The following ST8SIA6 variants were observed in gnomAD, a reference collection of about 807,000 sequenced individuals.
ST8SIA6 encodes ST8 alpha-N-acetyl-neuraminide alpha-2,8-sialyltransferase 6.
A neutral mutation model predicts 33.6 loss-of-function variants in ST8SIA6; 39 were observed. That is an observed-to-expected ratio of 1.16 (90% CI 0.90 to 1.52). The LOEUF (loss-of-function observed/expected upper bound fraction) is 1.52. Ranked by LOEUF, ST8SIA6 falls within the 40% of genes most tolerant of loss-of-function variation. ST8SIA6 has a pLI of 0.00. For synonymous variants in ST8SIA6, 172 were observed against 167.2 expected (o/e 1.03, Z -0.22); for missense variants, 441 against 443.8 (o/e 0.99, Z 0.06).
chr10:17,340,467 G>A (rs529185168), intron 4 of ST8SIA6, among the ~76,000 whole-genome samples: 30 of 152,260 alleles, frequency 2.0e-4, no homozygotes, highest in African/African-American at 6.7e-4. Flanking sequence ...CAGCCAATCG[G>A]AATTAAGCTT....
intron 3 of ST8SIA6, among the ~76,000 whole-genome samples, chr10:17,367,783 A>T (rs1849601196): frequency 6.6e-6 from 1 of 152,216 alleles, no homozygotes; most frequent in South Asian, 2.1e-4. Flanking sequence ...AGTCTGATAA[A>T]ACCAATAAAT....
intron 2 of ST8SIA6, among the ~76,000 whole-genome samples, chr10:17,439,919 T>C (rs1852413095): frequency 6.6e-6 from 1 of 152,228 alleles, no homozygotes; most frequent in Non-Finnish European, 1.5e-5. Context: ...TATTTTCAAT[T>C]GTACAACAAA....
At chr10:17,403,832 G>A (rs1201429782) in intron 2 of ST8SIA6, among the ~76,000 whole-genome samples, 4 of 152,116 alleles carry the variant, frequency 2.6e-5, no homozygotes, top group Non-Finnish European at 4.4e-5. Context: ...GGAGGCCAAG[G>A]CAGGTGGATC....
At chr10:17,361,183 G>C (rs78820688) in intron 3 of ST8SIA6, among the ~76,000 whole-genome samples, 2 of 151,954 alleles carry the variant, frequency 1.3e-5, no homozygotes, top group Non-Finnish European at 2.9e-5. Flanking sequence ...GATTAGAGTA[G>C]AAATTGATAA....
intron 7 of ST8SIA6, 122 bp downstream of exon 7, chr10:17,322,943 C>A: frequency 1.2e-6 from 1 of 833,854 alleles, no homozygotes; most frequent in Non-Finnish European, 1.8e-6. Context: ...TATATTTTTC[C>A]AAAAACTCAT....
intron 2 of ST8SIA6, among the ~76,000 whole-genome samples, chr10:17,439,921 T>C (rs961028067): frequency 6.6e-5 from 10 of 152,304 alleles, no homozygotes; most frequent in African/African-American, 2.2e-4. Context: ...TTTTCAATTG[T>C]ACAACAAAGA....
chr10:17,351,151 G>A (rs1341715811), intron 4 of ST8SIA6, among the ~76,000 whole-genome samples: 1 of 151,878 alleles, frequency 6.6e-6, no homozygotes, highest in East Asian at 1.9e-4. Context: ...CTCAGTCCAT[G>A]TCTTCATCAC....
At chr10:17,418,306 C>A (rs1851665855) in intron 2 of ST8SIA6, among the ~76,000 whole-genome samples, 1 of 152,134 alleles carries the variant, frequency 6.6e-6, no homozygotes, top group African/African-American at 2.4e-5. Flanking sequence ...AGTGATTCTC[C>A]CAAAGTGCTG....
In ST8SIA6 at chr10:17,429,056, G is replaced by A. The variant is rs564326889; in HGVS notation, c.200+24503C>T. 8.6e-4 allele frequency among the ~76,000 whole-genome samples: 131 copies of A among 151,980 alleles called. 3 individuals are homozygous for A. The South Asian group carries it at 0.026, about 30-fold the overall frequency. Reference sequence around the variant, plus strand: ...GCACATACAGTAAGCGGGATCTGGGGCTTCATTTAACATCTTGTGTTTCGT... The same window carrying A: ...GCACATACAGTAAGCGGGATCTGGGACTTCATTTAACATCTTGTGTTTCGT... On this transcript the variant is annotated intron_variant, in intron 2 of 7. Coordinates refer to ENST00000377602, the MANE Select transcript of ST8SIA6 (RefSeq NM_001004470.3).
chr10:17,362,953 A>T (rs1188847102), intron 3 of ST8SIA6, among the ~76,000 whole-genome samples: 1 of 151,982 alleles, frequency 6.6e-6, no homozygotes. Flanking sequence ...CTTGTGATCT[A>T]CCCACCTCGG....
At chr10:17,388,472 A>G (rs1432838012) in intron 3 of ST8SIA6, among the ~76,000 whole-genome samples, 6 of 152,232 alleles carry the variant, frequency 3.9e-5, no homozygotes, top group Non-Finnish European at 1.5e-5. Context: ...AGGCAGCTGT[A>G]TAAACACTAT....
chr10:17,328,232 C>A (rs1357132291), intron 5 of ST8SIA6, among the ~76,000 whole-genome samples: 4 of 152,152 alleles, frequency 2.6e-5, no homozygotes, highest in Non-Finnish European at 4.4e-5. Context: ...AATAGTTAGA[C>A]CTTCAGGCTC....
intron 3 of ST8SIA6, among the ~76,000 whole-genome samples, chr10:17,377,095 C>T (rs533033298): frequency 1.7e-4 from 26 of 152,252 alleles, no homozygotes; most frequent in African/African-American, 6.0e-4. Flanking sequence ...TGATGACATT[C>T]CACCATCATG....
chr10:17,451,534 T>C (rs530768722), intron 2 of ST8SIA6, among the ~76,000 whole-genome samples: 2 of 152,292 alleles, frequency 1.3e-5, no homozygotes, highest in African/African-American at 4.8e-5. Context: ...AATATATCCA[T>C]GTAACAAAAA....
At chr10:17,411,280 T>C (rs1851440492) in intron 2 of ST8SIA6, among the ~76,000 whole-genome samples, 1 of 151,932 alleles carries the variant, frequency 6.6e-6, no homozygotes, top group South Asian at 2.1e-4. Context: ...GCCTCCCAGG[T>C]TCAAGCAATT....
intron 2 of ST8SIA6, chr10:17,408,160 A>T (rs1361584742): frequency 6.6e-6 from 1 of 152,670 alleles, no homozygotes; most frequent in Non-Finnish European, 1.5e-5. Context: ...CGACAAATGC[A>T]ACCCTTGAAT....
rs188303888 is a variant in ST8SIA6 at position 17,408,299 on chromosome 10, A to G, written c.201-17679T>C. 19 of 152,772 alleles carry G rather than the reference A, an allele frequency of 1.2e-4. 1 individual carries two copies. The East Asian group carries it at 3.7e-3, about 29-fold the overall frequency. 9.5% of individuals were successfully genotyped at this position (152,772 alleles called of 1,614,324 possible). The stretch of plus-strand genomic sequence containing the variant: ...GTTATATACATGCTTACGTGTCCAT[A>G]TTAGCTATGCAATCACCATCAGCAA... On this transcript the variant is annotated intron_variant, in intron 2 of 7. Coordinates refer to ENST00000377602, the MANE Select transcript of ST8SIA6 (RefSeq NM_001004470.3).
intron 2 of ST8SIA6, among the ~76,000 whole-genome samples, chr10:17,423,561 C>T (rs1392829542): frequency 6.6e-6 from 1 of 152,212 alleles, no homozygotes; most frequent in Non-Finnish European, 1.5e-5. Context: ...GTTCTCTTCA[C>T]TTTCCAGGCT....
intron 4 of ST8SIA6, among the ~76,000 whole-genome samples, chr10:17,353,165 A>G (rs181892183): frequency 1.4e-3 from 211 of 152,100 alleles, no homozygotes; most frequent in African/African-American, 5.0e-3. Flanking sequence ...AAGGGTCAAT[A>G]AATGTTAATT....
Sources: allele counts gnomAD v4.1 joint callset (sites outside exome capture counted in the v4.1 genomes callset), GRCh38; gene constraint gnomAD v4.1.1; transcripts MANE v1.5; gene names NCBI Gene and HGNC (gene_info 2026-07-23, HGNC 2026-07-21).